The following GPC6 variants were observed in gnomAD, a reference collection of about 807,000 sequenced individuals.
GPC6 encodes the protein glypican 6, also known as glypican-6.
A neutral mutation model predicts 55.2 loss-of-function variants in GPC6; 14 were observed. The observed-to-expected ratio is 0.25, with a 90% CI of 0.17 to 0.40. The LOEUF (loss-of-function observed/expected upper bound fraction) is 0.40. Among genes scored for constraint, GPC6 ranks in the 10% least tolerant of loss-of-function variants. The pLI is 1.00. For synonymous variants in GPC6, 278 were observed against 259.6 expected, an observed-to-expected ratio of 1.07 and a Z score of -0.68; for missense variants, 641 against 708.5, an observed-to-expected ratio of 0.90 and a Z score of 1.08.
chr13:94,331,175 A>C (rs1016352216), intron 6 of GPC6, among the ~76,000 whole-genome samples: 1 of 152,194 alleles, frequency 6.6e-6, no homozygotes, highest in Non-Finnish European at 1.5e-5. Context: ...TGCAGCAATC[A>C]GCAAACTATG....
intron 1 of GPC6, among the ~76,000 whole-genome samples, chr13:93,405,616 A>G (rs1292984784): frequency 1.3e-5 from 2 of 151,484 alleles, no homozygotes; most frequent in Non-Finnish European, 2.9e-5. Flanking sequence ...GAATCTTACC[A>G]CTGAAATTTT....
intron 6 of GPC6, among the ~76,000 whole-genome samples, chr13:94,335,373 C>T (rs999699126): frequency 6.6e-6 from 1 of 152,052 alleles, no homozygotes; most frequent in African/African-American, 2.4e-5. Context: ...CAGGAGTCTC[C>T]GAGCCACACT....
chr13:94,216,536 C>G (rs1420371347), intron 4 of GPC6, among the ~76,000 whole-genome samples: 1 of 152,166 alleles, frequency 6.6e-6, no homozygotes, highest in Admixed American at 6.5e-5. Flanking sequence ...ATATGAGAAT[C>G]CCAGTCTGAG....
chr13:93,465,794 T>A (rs2139320893), intron 1 of GPC6, among the ~76,000 whole-genome samples: 1 of 152,368 alleles, frequency 6.6e-6, no homozygotes, highest in Non-Finnish European at 1.5e-5. Context: ...TTTTGGCCTT[T>A]CTCAGCTTTC....
At chr13:93,886,756 T>TG (rs386380268) in intron 3 of GPC6, among the ~76,000 whole-genome samples, 10 of 148,454 alleles carry the variant, frequency 6.7e-5, no homozygotes, top group African/African-American at 9.8e-5. Flanking sequence ...GTCATTTTTT[T>TG]TTTGTTTTTT....
chr13:94,160,729 A>G (rs1444192232), intron 4 of GPC6, among the ~76,000 whole-genome samples: 2 of 152,224 alleles, frequency 1.3e-5, no homozygotes, highest in Non-Finnish European at 2.9e-5. Flanking sequence ...TACAAGTACT[A>G]AACATAGCCC....
At chr13:93,940,692 T>C (rs1042422368) in intron 3 of GPC6, among the ~76,000 whole-genome samples, 4 of 152,200 alleles carry the variant, frequency 2.6e-5, no homozygotes, top group African/African-American at 9.6e-5. Context: ...AGTATACTTA[T>C]GAGACAAAGG....
chr13:93,285,628 G>GTGTGTGTGTGTGTGTGTGTGTA (rs1566279847), intron 1 of GPC6, among the ~76,000 whole-genome samples: 31 of 139,088 alleles, frequency 2.2e-4, no homozygotes, highest in Middle Eastern at 3.5e-3. Context: ...GTGTGTGTGT[G>GTGTGTGTGTGTGTGTGTGTGTA]TGTGTGTGTG....
chr13:93,922,471 C>G (rs1869001278), intron 3 of GPC6, among the ~76,000 whole-genome samples: 1 of 152,232 alleles, frequency 6.6e-6, no homozygotes, highest in East Asian at 1.9e-4. Context: ...CGGGATTTCT[C>G]AAACTTGGCA....
rs1293449891 is a variant in GPC6 at position 93,998,544 on chromosome 13, C to T, written c.712-29185C>T. Among the ~76,000 whole-genome samples the T allele has an allele frequency of 2.6e-5, 4 of 152,082 alleles. No individual in the cohort carries two copies. The East Asian group carries it at 7.7e-4, about 29-fold the overall frequency. ...TGTTCCAGAAAGAAGCTGTTACTGT[C>T]AGATGTGGTCTCAGAGTGGGGATAG... On this transcript the variant is annotated intron_variant, in intron 3 of 8. Coordinates refer to ENST00000377047, the MANE Select transcript of GPC6 (RefSeq NM_005708.5).
intron 8 of GPC6, among the ~76,000 whole-genome samples, chr13:94,402,276 G>C (rs1448524589): frequency 6.6e-6 from 1 of 152,096 alleles, no homozygotes; most frequent in Non-Finnish European, 1.5e-5. Context: ...TATCTTCCTA[G>C]AGCAATGGCT....
chr13:94,192,017 C>T (rs1398654431), intron 4 of GPC6, among the ~76,000 whole-genome samples: 3 of 152,024 alleles, frequency 2.0e-5, no homozygotes, highest in Non-Finnish European at 4.4e-5. Context: ...TCACTCCTAC[C>T]TTCATCTCTC....
intron 3 of GPC6, among the ~76,000 whole-genome samples, chr13:93,931,638 C>T (rs1403891921): frequency 1.3e-5 from 2 of 151,780 alleles, no homozygotes; most frequent in Non-Finnish European, 2.9e-5. Context: ...GTGGCGGGCA[C>T]CTGTAATCCC....
chr13:93,540,901 C>A (rs1222613154), intron 1 of GPC6, among the ~76,000 whole-genome samples: 1 of 152,128 alleles, frequency 6.6e-6, no homozygotes, highest in Non-Finnish European at 1.5e-5. Flanking sequence ...TCCAAGAGAT[C>A]CTTTTTTTAG....
chr13:94,288,803 T>A (rs867081089), intron 5 of GPC6, among the ~76,000 whole-genome samples: 2 of 80,156 alleles, frequency 2.5e-5, no homozygotes, highest in Admixed American at 1.3e-4. Flanking sequence ...ATATATATAT[T>A]TGTTATATAT....
intron 1 of GPC6, among the ~76,000 whole-genome samples, chr13:93,383,391 GTT>G (rs993485386): frequency 6.6e-6 from 1 of 152,042 alleles, no homozygotes; most frequent in East Asian, 1.9e-4. Flanking sequence ...TTTTAAAAGA[GTT>G]TTTTGCAGAG....
intron 3 of GPC6, among the ~76,000 whole-genome samples, chr13:93,926,840 C>G (rs1056271501): frequency 1.3e-5 from 2 of 152,072 alleles, no homozygotes; most frequent in African/African-American, 4.8e-5. Context: ...ACACTGTTAA[C>G]TGTCCTAACT....
chr13:94,123,284 G>C (rs1422012633), intron 4 of GPC6, among the ~76,000 whole-genome samples: 1 of 151,902 alleles, frequency 6.6e-6, no homozygotes, highest in Admixed American at 6.6e-5. Context: ...ATAAAATGTA[G>C]AGCCATATTA....
chr13:93,642,148 C>T (rs183567022), intron 2 of GPC6, among the ~76,000 whole-genome samples: 168 of 152,150 alleles, frequency 1.1e-3, no homozygotes, highest in African/African-American at 4.0e-3. Context: ...TCTTGCCTCC[C>T]TCCTTCTCTA....
Sources: gnomAD v4.1 joint callset for allele counts (sites outside exome capture counted in the v4.1 genomes callset) on GRCh38, gnomAD v4.1.1 for gene constraint, MANE v1.5 for transcripts, NCBI Gene and HGNC (gene_info 2026-07-23, HGNC 2026-07-21) for gene names.